Variants in NCALD observed in about 807,000 individuals in gnomAD.
NCALD encodes neurocalcin-delta.
A neutral mutation model predicts 18.6 loss-of-function variants in NCALD; 10 were observed. The ratio of observed to expected loss-of-function variants is 0.54; its 90% CI spans 0.33 to 0.91. The LOEUF (loss-of-function observed/expected upper bound fraction) is 0.91, where lower values mean the gene tolerates loss of function less well. Among genes scored for constraint, NCALD ranks in the 40% least tolerant of loss-of-function variants. The probability of loss-of-function intolerance (pLI) is 0.03; values close to 1 mark genes in which losing one functional copy is unlikely to be tolerated. For synonymous variants in NCALD, 88 were observed against 87.4 expected (o/e 1.01, Z -0.04); for missense variants, 184 against 247.6 (o/e 0.74, Z 1.72).
chr8:101,985,860 G>T (rs1228389176), intron 2 of NCALD, among the ~76,000 whole-genome samples: 2 of 152,102 alleles, frequency 1.3e-5, no homozygotes, highest in African/African-American at 4.8e-5. Context: ...AAGGAGTAAG[G>T]GTTGGAACTT....
intron 2 of NCALD, among the ~76,000 whole-genome samples, chr8:101,705,209 G>A (rs1815455128): frequency 6.9e-6 from 1 of 145,168 alleles, no homozygotes; most frequent in African/African-American, 2.8e-5. Context: ...GGGCAGCAGA[G>A]CAAGACTTCA....
intron 3 of NCALD, among the ~76,000 whole-genome samples, chr8:101,896,054 C>A (rs1453161893): frequency 8.7e-4 from 132 of 150,996 alleles, no homozygotes; most frequent in African/African-American, 3.0e-3. Flanking sequence ...CCCGCATCGC[C>A]AAGTCAACCC....
rs375991269 is a variant in NCALD at position 101,892,897 on chromosome 8, A to T, written c.-106-5670T>A. Among the ~76,000 whole-genome samples the T allele has an allele frequency of 7.3e-5, 11 of 149,768 alleles. 1 individual carries two copies. Among genetic ancestry groups the T allele is most frequent in the Non-Finnish European group, 1.0e-4 (7 of 67,918 alleles). The stretch of plus-strand genomic sequence containing the variant: ...CAAATCTACATCTGATTGGTGTACC[A>T]GAAAGTGATGGGGAGAATGGAACCA... On this transcript the variant is annotated intron_variant, in intron 3 of 6. Coordinates refer to the NCALD transcript ENST00000311028.
chr8:101,840,486 T>C (rs549154336), intron 4 of NCALD, among the ~76,000 whole-genome samples: 2 of 152,318 alleles, frequency 1.3e-5, no homozygotes, highest in Admixed American at 1.3e-4. Context: ...ATACATTACG[T>C]ATATATAAAA....
chr8:101,804,382 CTA>C (rs1363746176), intron 4 of NCALD, among the ~76,000 whole-genome samples: 7 of 101,356 alleles, frequency 6.9e-5, no homozygotes, highest in African/African-American at 3.9e-4. Flanking sequence ...TTATATGTTA[CTA>C]TATATAGAAA....
At chr8:101,891,752 G>A (rs1248816093) in intron 3 of NCALD, among the ~76,000 whole-genome samples, 9 of 152,186 alleles carry the variant, frequency 5.9e-5, no homozygotes, top group South Asian at 2.1e-4. Context: ...AAGGGGTGAT[G>A]GACGTACCTG....
intron 2 of NCALD, among the ~76,000 whole-genome samples, chr8:101,999,788 CA>C (rs562234634): frequency 4.4e-4 from 65 of 148,436 alleles, no homozygotes; most frequent in African/African-American, 1.1e-3. Context: ...TTTGCAATTA[CA>C]AAAAAAAAAT....
chr8:102,089,300 A>G (rs1212410722), intron 1 of NCALD, among the ~76,000 whole-genome samples: 1 of 152,100 alleles, frequency 6.6e-6, no homozygotes, highest in Non-Finnish European at 1.5e-5. Context: ...AGTCTGAGGC[A>G]GAAGAATGGC....
chr8:102,102,720 C>G (rs762628388), intron 1 of NCALD, among the ~76,000 whole-genome samples: 8 of 152,122 alleles, frequency 5.3e-5, no homozygotes, highest in Non-Finnish European at 7.4e-5. Context: ...CCAGGCTCTG[C>G]CCAACCCCAG....
chr8:101,785,343 A>G (rs1052306129), intron 1 of NCALD, among the ~76,000 whole-genome samples: 3 of 152,306 alleles, frequency 2.0e-5, no homozygotes, highest in African/African-American at 7.2e-5. Context: ...TGAGTACCTA[A>G]TACCTGTCAG....
At chr8:101,895,228 T>C (rs954713803) in intron 3 of NCALD, among the ~76,000 whole-genome samples, 1 of 146,784 alleles carries the variant, frequency 6.8e-6, no homozygotes, top group Non-Finnish European at 1.5e-5. Flanking sequence ...TCAATAAATG[T>C]AATCCAGCAT....
chr8:101,999,774 T>C (rs1821379000), intron 2 of NCALD, among the ~76,000 whole-genome samples: 1 of 151,634 alleles, frequency 6.6e-6, no homozygotes, highest in Admixed American at 6.6e-5. Flanking sequence ...CAAGTGCTTA[T>C]TCCTTTGCAA....
intron 2 of NCALD, among the ~76,000 whole-genome samples, chr8:101,931,722 C>A (rs183394274): frequency 6.6e-6 from 1 of 152,096 alleles, no homozygotes; most frequent in Admixed American, 6.5e-5. Context: ...TTTAACACAA[C>A]TACTCTCATG....
chr8:102,006,444 CT>C (rs1289150225), intron 2 of NCALD, among the ~76,000 whole-genome samples: 3 of 152,168 alleles, frequency 2.0e-5, no homozygotes, highest in Non-Finnish European at 2.9e-5. Context: ...AAAACAAATT[CT>C]GGTTATTGTC....
chr8:102,061,306 A>C (rs1823841850), intron 1 of NCALD, among the ~76,000 whole-genome samples: 1 of 152,230 alleles, frequency 6.6e-6, no homozygotes, highest in Non-Finnish European at 1.5e-5. Flanking sequence ...TGGACATCCA[A>C]GTACTTCATG....
chr8:101,780,345 T>C (rs1429584602), intron 1 of NCALD, among the ~76,000 whole-genome samples: 1 of 152,180 alleles, frequency 6.6e-6, no homozygotes, highest in Non-Finnish European at 1.5e-5. Context: ...CCCAGTGTTG[T>C]AGGTCTAAAA....
At chr8:101,758,521 T>C (rs1326905267) in intron 1 of NCALD, among the ~76,000 whole-genome samples, 1 of 152,238 alleles carries the variant, frequency 6.6e-6, no homozygotes, top group Non-Finnish European at 1.5e-5. Context: ...TATTAATTCA[T>C]TCAGTAATCT....
chr8:101,846,192 G>A lies in NCALD; in HGVS notation c.-20+40949C>T, dbSNP rs137987995. Among the ~76,000 whole-genome samples, 395 of 152,268 alleles carry A rather than the reference G, an allele frequency of 2.6e-3. 3 individuals are homozygous for A. Among genetic ancestry groups the A allele is most frequent in the African/African-American group, 8.5e-3 (355 of 41,562 alleles). On this transcript the variant is annotated intron_variant, in intron 4 of 6. Transcript: ENST00000311028. ...TTCCTTTCTTTTGGATCAGCAGTGGGATTGCTAGATCAGATGGTATTATAT... is the reference window on the plus strand; with the variant it reads ...TTCCTTTCTTTTGGATCAGCAGTGGAATTGCTAGATCAGATGGTATTATAT...
chr8:101,932,842 T>C (rs1317896935), intron 2 of NCALD, among the ~76,000 whole-genome samples: 1 of 152,206 alleles, frequency 6.6e-6, no homozygotes, highest in Non-Finnish European at 1.5e-5. Context: ...AGCTAGAGAA[T>C]ATTATTTTGC....
Sources: allele counts gnomAD v4.1 joint callset (sites outside exome capture counted in the v4.1 genomes callset), GRCh38; gene constraint gnomAD v4.1.1; transcripts MANE v1.5; gene names NCBI Gene and HGNC (gene_info 2026-07-23, HGNC 2026-07-21).